LDLRAD4: variants seen among roughly 807,000 people sequenced by gnomAD.
LDLRAD4 encodes the protein low density lipoprotein receptor class A domain containing 4, also known as low-density lipoprotein receptor class A domain-containing protein 4.
A neutral mutation model predicts 17.0 loss-of-function variants in LDLRAD4; 5 were observed. The ratio of observed to expected loss-of-function variants is 0.29; its 90% CI spans 0.15 to 0.62. LDLRAD4 has a LOEUF of 0.62. Among genes scored for constraint, LDLRAD4 ranks in the 20% least tolerant of loss-of-function variants. The pLI is 0.84. For missense variants in LDLRAD4, 340 were observed against 424.7 expected (o/e 0.80, Z 1.75); for synonymous variants, 168 against 171.8 (o/e 0.98, Z 0.17).
At chr18:13,412,324 TC>T (rs997885311) in intron 2 of LDLRAD4, among the ~76,000 whole-genome samples, 1 of 152,216 alleles carries the variant, frequency 6.6e-6, no homozygotes, top group African/African-American at 2.4e-5. Flanking sequence ...ACACCCAGCC[TC>T]TGTTCTTTCC....
chr18:13,406,359 C>G (rs2087750718), intron 2 of LDLRAD4, among the ~76,000 whole-genome samples: 1 of 152,150 alleles, frequency 6.6e-6, no homozygotes, highest in Non-Finnish European at 1.5e-5. Context: ...TGACAGTGAC[C>G]TGTAAGCAAG....
At chr18:13,520,769 C>G (rs1473640766) in intron 3 of LDLRAD4, 1 of 152,194 alleles carries the variant, frequency 6.6e-6, no homozygotes, top group Admixed American at 6.5e-5. Context: ...AGGAGGATCA[C>G]CTGAGCCTGA....
chr18:13,457,791 G>A (rs887650491), intron 3 of LDLRAD4, among the ~76,000 whole-genome samples: 1 of 152,152 alleles, frequency 6.6e-6, no homozygotes, highest in Non-Finnish European at 1.5e-5. Context: ...TCGCTACCTG[G>A]GCCCCCGCTC....
chr18:13,342,035 C>T (rs527443723), intron 1 of LDLRAD4, among the ~76,000 whole-genome samples: 7 of 152,090 alleles, frequency 4.6e-5, no homozygotes, highest in South Asian at 2.1e-4. Context: ...TAATATATTA[C>T]GTTCATTGAT....
chr18:13,512,980 G>C (rs1227936682), intron 3 of LDLRAD4, among the ~76,000 whole-genome samples: 1 of 152,228 alleles, frequency 6.6e-6, no homozygotes, highest in African/African-American at 2.4e-5. Context: ...ATTATCAAAT[G>C]ATAGTGCAGT....
At position 13,611,971 on chromosome 18, in the gene LDLRAD4, T is replaced by C. The variant is rs965615669; in HGVS notation, c.182-9146T>C. On this transcript the variant is annotated intron_variant, in intron 3 of 5. Transcript: ENST00000359446. ...GCAGCCTGAGGGACGCTGTGGGTGC[T>C]CCCAGCCGGGCGAGCACGCTCTGGG... 237 of 985,200 alleles carry C rather than the reference T, an allele frequency of 2.4e-4. 1 individual carries two copies. Among genetic ancestry groups the C allele is most frequent in the Non-Finnish European group, 2.7e-4 (228 of 829,942 alleles). The allele number at this position is 985,200 out of a possible 1,614,324, so 61.0% of individuals were successfully genotyped here.
rs56035558 is a variant in LDLRAD4, at chr18:13,594,665, C to CAAA, written c.182-26430_182-26428dup. Among the ~76,000 whole-genome samples, 109 of 29,568 alleles carry CAAA rather than the reference C, an allele frequency of 3.7e-3. 4 individuals carry two copies. Among genetic ancestry groups the CAAA allele is most frequent in the African/African-American group, 8.4e-3 (96 of 11,430 alleles). 19.4% of individuals were successfully genotyped at this position (29,568 alleles called of 152,430 possible). On this transcript the variant is annotated intron_variant, in intron 3 of 5. Coordinates refer to ENST00000359446, the Ensembl canonical transcript of LDLRAD4. ...TGGGTGACAGAGCAAGATTCCATCT[C>CAAA]AAAAAAAAAAAAAAAAAAAAAAAAG...
At chr18:13,513,722 G>A (rs748933126) in intron 3 of LDLRAD4, among the ~76,000 whole-genome samples, 4 of 152,206 alleles carry the variant, frequency 2.6e-5, no homozygotes, top group Non-Finnish European at 4.4e-5. Context: ...TTTCATGAGA[G>A]CGTGTTAGAG....
intron 3 of LDLRAD4, among the ~76,000 whole-genome samples, chr18:13,457,268 C>T (rs1478868425): frequency 6.6e-6 from 1 of 152,226 alleles, no homozygotes; most frequent in Non-Finnish European, 1.5e-5. Flanking sequence ...TTTACATTTA[C>T]CAGTTTGCTC....
At chr18:13,513,188 C>T (rs78216538) in intron 3 of LDLRAD4, among the ~76,000 whole-genome samples, 2,296 of 152,314 alleles carry the variant, frequency 0.015, 59 homozygotes, top group African/African-American at 0.052. Context: ...GCACTTGCCC[C>T]GGGGTCACAG....
chr18:13,405,110 A>C (rs1223587027), intron 2 of LDLRAD4, among the ~76,000 whole-genome samples: 6 of 151,784 alleles, frequency 4.0e-5, no homozygotes, highest in Non-Finnish European at 7.4e-5. Flanking sequence ...ATGATGAACA[A>C]ATACAAAATT....
chr18:13,355,722 C>T (rs1256139509), intron 1 of LDLRAD4, among the ~76,000 whole-genome samples: 2 of 152,124 alleles, frequency 1.3e-5, no homozygotes, highest in East Asian at 3.8e-4. Context: ...GCCTCAAGCT[C>T]CTGGGCTCAA....
At chr18:13,222,404 GA>G (rs1421807415) in intron 1 of LDLRAD4, among the ~76,000 whole-genome samples, 15 of 151,972 alleles carry the variant, frequency 9.9e-5, no homozygotes, top group African/African-American at 3.4e-4. Context: ...TTGTCTGCTG[GA>G]AAAAGAGAAG....
At chr18:13,618,232 C>A (rs2040265945) in intron 3 of LDLRAD4, among the ~76,000 whole-genome samples, 1 of 152,134 alleles carries the variant, frequency 6.6e-6, no homozygotes, top group African/African-American at 2.4e-5. Context: ...ATTCCAATAA[C>A]TGAAAAAAGG....
At position 13,264,437 on chromosome 18, in the gene LDLRAD4, C is replaced by T. The variant is rs8097004; in HGVS notation, c.-466-13668C>T. Among the ~76,000 whole-genome samples the T allele has an allele frequency of 7.0e-3, 1,063 of 152,356 alleles. 17 individuals are homozygous for T. Among genetic ancestry groups the T allele is most frequent in the African/African-American group, 0.024 (988 of 41,580 alleles). On this transcript the variant is annotated intron_variant, in intron 1 of 5. Coordinates refer to the LDLRAD4 transcript ENST00000399848. ...AGGAAAATGCTTAGAAAGCCAGGAA[C>T]GAATGGTTTCTGAAGTATTCACCAT...
intron 3 of LDLRAD4, among the ~76,000 whole-genome samples, chr18:13,445,558 GTGTT>G (rs36234734): frequency 0.59 from 89,824 of 151,350 alleles, 30,135 homozygotes; most frequent in Non-Finnish European, 0.77. Context: ...GTCTATGTGT[GTGTT>G]TGTGCATGTG....
At chr18:13,409,730 T>TAG (rs1358589300) in intron 2 of LDLRAD4, among the ~76,000 whole-genome samples, 1 of 152,144 alleles carries the variant, frequency 6.6e-6, no homozygotes, top group African/African-American at 2.4e-5. Context: ...TTAGTACATG[T>TAG]AGAAGAATTG....
chr18:13,635,891 G>A (rs928930341), intron 4 of LDLRAD4, among the ~76,000 whole-genome samples: 49 of 151,976 alleles, frequency 3.2e-4, no homozygotes, highest in African/African-American at 1.2e-3. Flanking sequence ...CTAGACTAAC[G>A]TTAGAGTTCC....
chr18:13,333,050 C>T (rs2081945437), intron 1 of LDLRAD4, among the ~76,000 whole-genome samples: 2 of 152,146 alleles, frequency 1.3e-5, no homozygotes, highest in South Asian at 4.1e-4. Context: ...AATGAGAGTT[C>T]TGTTGCCCTA....
Sources: allele counts gnomAD v4.1 joint callset (sites outside exome capture counted in the v4.1 genomes callset), GRCh38; gene constraint gnomAD v4.1.1; transcripts MANE v1.5; gene names NCBI Gene and HGNC (gene_info 2026-07-23, HGNC 2026-07-21).